The following ROBO1 variants were observed in gnomAD, a reference collection of about 807,000 sequenced individuals.
ROBO1 encodes roundabout guidance receptor 1.
Under a neutral mutation model 195.9 loss-of-function variants are expected in ROBO1, and 149 were observed. That is an observed-to-expected ratio of 0.76 (90% CI 0.67 to 0.87). The LOEUF (loss-of-function observed/expected upper bound fraction) is 0.87, where lower values mean the gene tolerates loss of function less well. Ranked by LOEUF, ROBO1 falls within the 40% of genes least tolerant of loss-of-function variation. ROBO1 has a pLI of 0.00. For synonymous variants in ROBO1, 816 were observed against 733.2 expected, an observed-to-expected ratio of 1.11 and a Z score of -1.82; for missense variants, 1,933 against 2,068.3, an observed-to-expected ratio of 0.93 and a Z score of 1.27.
chr3:79,250,386 G>A (rs1007606027), intron 2 of ROBO1, among the ~76,000 whole-genome samples: 3 of 152,156 alleles, frequency 2.0e-5, no homozygotes, highest in Non-Finnish European at 4.4e-5. Context: ...CATGTTGCAA[G>A]TAATACTAAT....
At chr3:79,292,453 C>A (rs1402137221) in intron 2 of ROBO1, among the ~76,000 whole-genome samples, 1 of 152,122 alleles carries the variant, frequency 6.6e-6, no homozygotes, top group African/African-American at 2.4e-5. Flanking sequence ...CTGTCTTGTG[C>A]CAGTTTTCAA....
chr3:79,325,493 T>A (rs1222044796), intron 2 of ROBO1, among the ~76,000 whole-genome samples: 1 of 152,130 alleles, frequency 6.6e-6, no homozygotes, highest in Non-Finnish European at 1.5e-5. Flanking sequence ...GTGAAAAAAA[T>A]ATCACATGCA....
At chr3:79,019,282 C>T in intron 3 of ROBO1, 4 of 985,898 alleles carry the variant, frequency 4.1e-6, no homozygotes, top group Non-Finnish European at 4.8e-6. Context: ...GCTGCCTGCA[C>T]CCCTGGCTCG....
At chr3:79,536,769 G>A (rs143149381) in intron 2 of ROBO1, among the ~76,000 whole-genome samples, 2 of 152,212 alleles carry the variant, frequency 1.3e-5, no homozygotes, top group African/African-American at 4.8e-5. Context: ...TAAAACTGTA[G>A]ACTAGTGGAA....
At chr3:78,944,731 A>C (rs1378690126) in intron 3 of ROBO1, among the ~76,000 whole-genome samples, 1 of 152,222 alleles carries the variant, frequency 6.6e-6, no homozygotes, top group Non-Finnish European at 1.5e-5. Flanking sequence ...TAACCCAGGA[A>C]GCGCAAGGGG....
At chr3:78,785,997 T>C (rs1396865780) in intron 4 of ROBO1, among the ~76,000 whole-genome samples, 3 of 152,210 alleles carry the variant, frequency 2.0e-5, no homozygotes, top group Admixed American at 6.5e-5. Flanking sequence ...CTAGTTGTTA[T>C]TATAAAACTC....
chr3:78,953,940 G>A (rs1189250489), intron 3 of ROBO1, among the ~76,000 whole-genome samples: 1 of 151,922 alleles, frequency 6.6e-6, no homozygotes, highest in Non-Finnish European at 1.5e-5. Flanking sequence ...TTTGATTTTA[G>A]ATTCTCCTCC....
intron 4 of ROBO1, among the ~76,000 whole-genome samples, chr3:78,767,271 A>T (rs1407854757): frequency 6.7e-6 from 1 of 149,734 alleles, no homozygotes; most frequent in Admixed American, 6.7e-5. Context: ...TTTGTCGGTA[A>T]TTTATTTTAT....
chr3:79,519,628 C>CAAAAAAAAAAAAAA (rs71631657), intron 2 of ROBO1, among the ~76,000 whole-genome samples: 14 of 64,684 alleles, frequency 2.2e-4, no homozygotes, highest in Admixed American at 4.6e-4. Flanking sequence ...GACTCCTGCT[C>CAAAAAAAAAAAAAA]AAAAAAAAAA....
intron 1 of ROBO1, among the ~76,000 whole-genome samples, chr3:79,604,084 T>C (rs998659504): frequency 3.3e-5 from 5 of 152,020 alleles, no homozygotes; most frequent in Admixed American, 6.6e-5. Context: ...AAGAGGTACA[T>C]TTGTTTACCT....
intron 4 of ROBO1, among the ~76,000 whole-genome samples, chr3:78,801,327 T>C (rs1272792375): frequency 1.3e-5 from 2 of 152,206 alleles, no homozygotes; most frequent in African/African-American, 2.4e-5. Flanking sequence ...ATTAAAAATA[T>C]AGGATACTTT....
chr3:79,730,879 G>A (rs182177661), intron 1 of ROBO1, among the ~76,000 whole-genome samples: 33 of 142,564 alleles, frequency 2.3e-4, no homozygotes, highest in Admixed American at 1.2e-3. Flanking sequence ...CTGGGTTCAC[G>A]CCATTCTCCT....
At chr3:78,922,946 CA>C (rs1455049187) in intron 4 of ROBO1, among the ~76,000 whole-genome samples, 1 of 152,058 alleles carries the variant, frequency 6.6e-6, no homozygotes, top group Non-Finnish European at 1.5e-5. Flanking sequence ...TTTGCAAAAC[CA>C]TTAGAAATAT....
intron 4 of ROBO1, among the ~76,000 whole-genome samples, chr3:78,912,389 G>A (rs941790134): frequency 2.0e-5 from 3 of 152,024 alleles, no homozygotes; most frequent in Admixed American, 1.3e-4. Flanking sequence ...TCTCCACTCC[G>A]TGAAGACAGA....
Position 79,207,089 on chromosome 3 carries a change from A to G in ROBO1, c.89-81550T>C, listed in dbSNP as rs577445386. 1.4e-4 allele frequency among the ~76,000 whole-genome samples: 21 copies of G among 152,312 alleles called. No individual in the cohort carries two copies. The South Asian group carries it at 2.5e-3, about 18-fold the overall frequency. On this transcript the variant is annotated intron_variant, in intron 2 of 30. Coordinates refer to ENST00000464233, the MANE Select transcript of ROBO1 (RefSeq NM_002941.4). ...TTTTAACTTTAGATTATTGCATTAC[A>G]TTAAATCTCATTTAAAGTAAATGAA...
In ROBO1 at chr3:78,667,929, A is replaced by G. The variant is rs750885050; in HGVS notation, c.1920T>C (p.Tyr640=). The change falls in exon 14 of 31, where the codon TAT becomes TAC. Residue 640 remains tyrosine (Y), a synonymous_variant. Coordinates refer to ENST00000464233, the MANE Select transcript of ROBO1 (RefSeq NM_002941.4). ...ATATTTGGCTTGGATCACTAATTCC[A>G]TATGCATTAGCTGCCCTCACAAGGA... is the stretch of plus-strand genomic sequence containing the variant. ...YLFLVRAANA[Y]GISDPSQISD... 2 of 1,613,682 alleles carry G rather than the reference A, an allele frequency of 1.2e-6. No homozygotes were observed. Among genetic ancestry groups the G allele is most frequent in the Non-Finnish European group, 1.7e-6 (2 of 1,179,782 alleles).
intron 10 of ROBO1, 143 bp from the exon 11 acceptor site, chr3:78,670,444 A>G: frequency 1.5e-6 from 1 of 670,602 alleles, no homozygotes; most frequent in Non-Finnish European, 2.5e-6. Context: ...GCATTATTCA[A>G]AATGCATTTA....
chr3:79,614,280 A>G (rs1944752703), intron 1 of ROBO1, among the ~76,000 whole-genome samples: 1 of 152,128 alleles, frequency 6.6e-6, no homozygotes, highest in African/African-American at 2.4e-5. Context: ...TAAAAGAATG[A>G]AATGGAGTTT....
chr3:79,092,942 T>C (rs1002822981), intron 3 of ROBO1, among the ~76,000 whole-genome samples: 1 of 152,176 alleles, frequency 6.6e-6, no homozygotes, highest in African/African-American at 2.4e-5. Flanking sequence ...TTAAAAAGAA[T>C]TAATTTCAAA....
Sources: gnomAD v4.1 joint callset for allele counts (sites outside exome capture counted in the v4.1 genomes callset) on GRCh38, gnomAD v4.1.1 for gene constraint, MANE v1.5 for transcripts, NCBI Gene and HGNC (gene_info 2026-07-23, HGNC 2026-07-21) for gene names.